DNAI3: variants seen among roughly 807,000 people sequenced by gnomAD.
The protein encoded by DNAI3 is WD repeat domain 63.
Under a neutral mutation model 115.5 loss-of-function variants are expected in DNAI3, and 83 were observed. The observed-to-expected ratio is 0.72, with a 90% CI of 0.60 to 0.86. The LOEUF (loss-of-function observed/expected upper bound fraction) is 0.86, where lower values mean the gene tolerates loss of function less well. Ranked by LOEUF, DNAI3 falls within the 40% of genes least tolerant of loss-of-function variation. The probability of loss-of-function intolerance (pLI) is 0.00; values close to 1 mark genes in which losing one functional copy is unlikely to be tolerated. For missense variants in DNAI3, 1,004 were observed against 1,075.8 expected (o/e 0.93, Z 0.93); for synonymous variants, 320 against 347.0 (o/e 0.92, Z 0.86).
intron 16 of DNAI3, among the ~76,000 whole-genome samples, chr1:85,115,703 G>A (rs1407048312): frequency 6.6e-6 from 1 of 151,586 alleles, no homozygotes; most frequent in Non-Finnish European, 1.5e-5. Context: ...GGGTGGCAGG[G>A]GGAGGTGGGG....
At chr1:85,066,008 C>T (rs1654085933) in intron 1 of DNAI3, among the ~76,000 whole-genome samples, 1 of 152,152 alleles carries the variant, frequency 6.6e-6, no homozygotes, top group Admixed American at 6.5e-5. Context: ...GGGACTTACC[C>T]AATACACACT....
At chr1:85,132,621 A>G (rs1315054545) in intron 22 of DNAI3, among the ~76,000 whole-genome samples, 2 of 151,092 alleles carry the variant, frequency 1.3e-5, no homozygotes, top group Non-Finnish European at 3.0e-5. Flanking sequence ...GGCCGGAAAA[A>G]GGGACTTTTT....
In DNAI3 at chr1:85,081,327, A is replaced by G. The variant is rs1219252607; in HGVS notation, c.197A>G (p.Tyr66Cys). ...IDEDVTDEQP[Y>C]KLINKEDIFE... ...GAAGATGTCACAGATGAACAACCTTATAAGCTTATCAATAAAGAAGACATT... is the reference window on the plus strand; with the variant it reads ...GAAGATGTCACAGATGAACAACCTTGTAAGCTTATCAATAAAGAAGACATT... Residue 66 changes from tyrosine to cysteine, a missense_variant, in exon 4 of 23, where the codon TAT becomes TGT. By Grantham distance (194) the Tyr-to-Cys change is radical. This residue lies in a region of DNAI3 where 550 missense variants were observed against 568.1 expected (regional missense o/e 0.97). Transcript: ENST00000294664. 1.2e-6 allele frequency: 2 copies of G among 1,607,784 alleles called. No homozygotes were observed. Among genetic ancestry groups the G allele is most frequent in the African/African-American group, 2.7e-5 (2 of 74,368 alleles).
In DNAI3 at chr1:85,090,246, T is replaced by A. The variant is rs1212043383; in HGVS notation, c.857+14T>A. ...TGCATCCATAAGGTAAAAAATTGCA[T>A]ATTAAATTTTAAAAATAAAACATAA... On this transcript the variant is annotated intron_variant, in intron 8 of 22. Coordinates refer to ENST00000294664, the MANE Select transcript of DNAI3 (RefSeq NM_145172.5). 5.6e-6 allele frequency: 8 copies of A among 1,431,122 alleles called. No individual in the cohort carries two copies. The highest frequency in any genetic ancestry group is 7.6e-6 in the Non-Finnish European group (8 of 1,050,196). The allele number at this position is 1,431,122 out of a possible 1,614,324, so 88.7% of individuals were successfully genotyped here.
chr1:85,106,465 A>G (rs1265108694), intron 14 of DNAI3, among the ~76,000 whole-genome samples: 5 of 152,236 alleles, frequency 3.3e-5, no homozygotes, highest in Non-Finnish European at 7.3e-5. Context: ...GGTTCTCAGT[A>G]GATATTTCCC....
intron 3 of DNAI3, among the ~76,000 whole-genome samples, chr1:85,078,841 G>C (rs1654541667): frequency 6.6e-6 from 1 of 152,204 alleles, no homozygotes; most frequent in Non-Finnish European, 1.5e-5. Flanking sequence ...CTGACTTCTA[G>C]ATAAAGGAAT....
At chr1:85,130,306 A>G (rs1656275230) in intron 22 of DNAI3, 194 bp downstream of exon 22, 2 of 737,622 alleles carry the variant, frequency 2.7e-6, no homozygotes, top group Non-Finnish European at 4.1e-6. Context: ...ATTCTGTCCA[A>G]TTTAAGTTTC....
At chr1:85,098,742 A>G (rs1415577581) in intron 13 of DNAI3, 84 bp downstream of exon 13, 14 of 1,553,798 alleles carry the variant, frequency 9.0e-6, no homozygotes, top group Non-Finnish European at 1.2e-5. Context: ...CAAGTCAACA[A>G]TTCATTTACA....
chr1:85,127,739 C>A (rs1656190519), intron 20 of DNAI3, among the ~76,000 whole-genome samples: 1 of 152,116 alleles, frequency 6.6e-6, no homozygotes, highest in Admixed American at 6.6e-5. Context: ...TGTACGCCTA[C>A]AGGGATTATG....
intron 3 of DNAI3, among the ~76,000 whole-genome samples, chr1:85,076,251 T>C (rs748698346): frequency 4.6e-5 from 7 of 152,138 alleles, no homozygotes; most frequent in Non-Finnish European, 1.0e-4. Flanking sequence ...GGGATTACAC[T>C]GGGCCAATGT....
chr1:85,090,061 T>C, intron 7 of DNAI3, 55 bp from the exon 8 acceptor site: 2 of 850,312 alleles, frequency 2.4e-6, no homozygotes, highest in South Asian at 2.6e-5. Flanking sequence ...TTGTGGCCCA[T>C]ATTTGCTCTT....
intron 2 of DNAI3, 89 bp from the exon 3 acceptor site, chr1:85,072,965 A>AAG (rs1210270122): frequency 2.0e-5 from 16 of 801,970 alleles, no homozygotes; most frequent in Admixed American, 1.1e-4. Flanking sequence ...AAAAAAAAAA[A>AAG]AAAAAAAAAG....
chr1:85,133,118 T>A lies in DNAI3; in HGVS notation c.*120T>A. ...CATTTATAGACTTTTATTTCCCTGC[T>A]ATTAAAACTTTTGAATTTTAGCAAT... is the stretch of plus-strand genomic sequence containing the variant. On this transcript the variant is annotated 3_prime_UTR_variant, in exon 23 of 23. Coordinates refer to ENST00000294664, the MANE Select transcript of DNAI3 (RefSeq NM_145172.5). 1.7e-6 allele frequency: 2 copies of A among 1,189,738 alleles called. No homozygotes were observed. Among genetic ancestry groups the A allele is most frequent in the Non-Finnish European group, 2.2e-6 (2 of 901,690 alleles). The allele number at this position is 1,189,738 out of a possible 1,614,324, so 73.7% of individuals were successfully genotyped here. A position where few individuals can be genotyped will look rare whatever the true frequency, so the allele number is the denominator to read the frequency against.
chr1:85,074,903 A>T (rs952039655), intron 3 of DNAI3, among the ~76,000 whole-genome samples: 1 of 152,192 alleles, frequency 6.6e-6, no homozygotes, highest in African/African-American at 2.4e-5. Context: ...ACTATAACTC[A>T]TTACTGAATA....
intron 1 of DNAI3, among the ~76,000 whole-genome samples, chr1:85,070,983 T>C (rs914055778): frequency 1.3e-5 from 2 of 152,198 alleles, no homozygotes; most frequent in Non-Finnish European, 2.9e-5. Flanking sequence ...AGGAATAAAA[T>C]AAAACTTGTG....
chr1:85,107,934 G>A (rs113274783), intron 14 of DNAI3, 99 bp from the exon 15 acceptor site: 22 of 822,410 alleles, frequency 2.7e-5, no homozygotes, highest in Middle Eastern at 3.5e-4. Context: ...TTAAAATATA[G>A]CCATGGTCAC....
chr1:85,065,001 C>T (rs1226857778), intron 1 of DNAI3, among the ~76,000 whole-genome samples: 1 of 152,030 alleles, frequency 6.6e-6, no homozygotes, highest in Non-Finnish European at 1.5e-5. Context: ...CCATTGCACT[C>T]CAGCCTGGGT....
At chr1:85,087,814 A>G (rs1326215907) in intron 7 of DNAI3, among the ~76,000 whole-genome samples, 1 of 152,216 alleles carries the variant, frequency 6.6e-6, no homozygotes, top group Non-Finnish European at 1.5e-5. Context: ...AGTCATGACC[A>G]GGAGAATCAG....
chr1:85,126,549 G>A lies in DNAI3; in HGVS notation c.2151G>A (p.Arg717=), dbSNP rs768684013. ...TTCAGTCATGCTGTGCACCAAAAAG[G>A]TACACCTCAGGCCACTGGTCCCTGA... ...PLLQSCCAPK[R]YTSGHWSLTR... The change falls in exon 20 of 23, where the codon AGG becomes AGA. Residue 717 remains arginine, a synonymous_variant. Transcript: ENST00000294664. 1.2e-6 allele frequency: 2 copies of A among 1,614,066 alleles called. No homozygotes were observed. Among genetic ancestry groups the A allele is most frequent in the Non-Finnish European group, 8.5e-7 (1 of 1,179,986 alleles).
Sources: gnomAD v4.1 joint callset for allele counts (sites outside exome capture counted in the v4.1 genomes callset) on GRCh38, gnomAD v4.1.1 for gene constraint, gnomAD v4.1.1 regional missense constraint, MANE v1.5 for transcripts, NCBI Gene and HGNC (gene_info 2026-07-23, HGNC 2026-07-21) for gene names.